Variants in CFAP299 observed in about 807,000 individuals in gnomAD.
CFAP299 encodes cilia- and flagella-associated protein 299.
A neutral mutation model predicts 27.0 loss-of-function variants in CFAP299; 21 were observed. That is an observed-to-expected ratio of 0.78 (90% CI 0.55 to 1.12). The LOEUF (loss-of-function observed/expected upper bound fraction) is 1.12, where lower values mean the gene tolerates loss of function less well. Among genes scored for constraint, CFAP299 ranks in the 50% most tolerant of loss-of-function variants. The probability of loss-of-function intolerance (pLI) is 0.00; values close to 1 mark genes in which losing one functional copy is unlikely to be tolerated. For missense variants in CFAP299, 310 were observed against 276.6 expected, an observed-to-expected ratio of 1.12 and a Z score of -0.86; for synonymous variants, 104 against 98.1, an observed-to-expected ratio of 1.06 and a Z score of -0.36.
In CFAP299 at chr4:80,335,749, C is replaced by T; in HGVS notation, c.-20C>T. ...CCTCCTGCTTCCGTTGCTAGGGACG[C>T]TTCGGCCGAGGATACCGCAATGGAT... On this transcript the variant is annotated 5_prime_UTR_variant, in exon 1 of 6. Transcript: ENST00000358105. 1 of 1,508,792 alleles carries T rather than the reference C, an allele frequency of 6.6e-7. No individual in the cohort carries two copies. Among genetic ancestry groups the T allele is most frequent in the Non-Finnish European group, 9.2e-7 (1 of 1,084,176 alleles). The allele number at this position is 1,508,792 out of a possible 1,614,324, so 93.5% of individuals were successfully genotyped here.
At chr4:80,495,537 C>A (rs1271511175) in intron 2 of CFAP299, among the ~76,000 whole-genome samples, 1 of 152,118 alleles carries the variant, frequency 6.6e-6, no homozygotes, top group Non-Finnish European at 1.5e-5. Flanking sequence ...TGTAGTGGCT[C>A]ACACCTATGA....
At chr4:80,390,661 G>A (rs1006151035) in intron 2 of CFAP299, among the ~76,000 whole-genome samples, 1 of 133,450 alleles carries the variant, frequency 7.5e-6, no homozygotes, top group Non-Finnish European at 1.6e-5. Context: ...ACACACATAT[G>A]TATATATGTA....
intron 3 of CFAP299, among the ~76,000 whole-genome samples, chr4:80,685,417 C>T (rs1720118783): frequency 6.6e-6 from 1 of 151,986 alleles, no homozygotes. Flanking sequence ...TTGCCAATTG[C>T]ACTGAAGTGT....
In CFAP299 at chr4:80,871,385, C is replaced by A. The variant is rs1178189813; in HGVS notation, c.476+1250C>A. On this transcript the variant is annotated intron_variant, in intron 4 of 5. Transcript: ENST00000358105. ...ATTTTTTTCACTGCACTTGTAGCTA[C>A]CCCACTGGGTACTGCTGAAGGAAAT... 36 of 985,386 alleles carry A rather than the reference C, an allele frequency of 3.7e-5. No individual in the cohort carries two copies. The South Asian group carries it at 1.4e-3, about 37-fold the overall frequency. 61.0% of individuals were successfully genotyped at this position (985,386 alleles called of 1,614,324 possible).
At chr4:80,655,249 A>G (rs1403697326) in intron 3 of CFAP299, among the ~76,000 whole-genome samples, 1 of 152,182 alleles carries the variant, frequency 6.6e-6, no homozygotes. Flanking sequence ...ATTTCCAGTA[A>G]TCTAATTTCT....
intron 2 of CFAP299, among the ~76,000 whole-genome samples, chr4:80,513,404 T>A (rs1457106589): frequency 6.6e-6 from 1 of 152,146 alleles, no homozygotes; most frequent in African/African-American, 2.4e-5. Context: ...CCCATATTCC[T>A]TAAAGTAAAA....
intron 3 of CFAP299, among the ~76,000 whole-genome samples, chr4:80,801,755 CTT>C (rs1728620130): frequency 6.6e-6 from 1 of 152,082 alleles, no homozygotes; most frequent in Non-Finnish European, 1.5e-5. Flanking sequence ...CTGTTGATCA[CTT>C]TGAAAAAGGC....
At chr4:80,953,782 T>C (rs1393972913) in intron 5 of CFAP299, among the ~76,000 whole-genome samples, 1 of 152,124 alleles carries the variant, frequency 6.6e-6, no homozygotes, top group Non-Finnish European at 1.5e-5. Context: ...CATAAATATA[T>C]ATGTCAATGT....
intron 4 of CFAP299, among the ~76,000 whole-genome samples, chr4:80,899,511 CAA>C (rs1734779641): frequency 6.6e-6 from 1 of 152,106 alleles, no homozygotes; most frequent in African/African-American, 2.4e-5. Context: ...TCATGGGACT[CAA>C]GAGAAAAAAA....
At chr4:80,937,076 G>A (rs760288154) in intron 4 of CFAP299, among the ~76,000 whole-genome samples, 29 of 150,988 alleles carry the variant, frequency 1.9e-4, no homozygotes, top group South Asian at 6.3e-4. Context: ...TTATATTGCC[G>A]TCTGTTTCTT....
At chr4:80,822,456 T>C (rs924415565) in intron 3 of CFAP299, among the ~76,000 whole-genome samples, 1 of 152,192 alleles carries the variant, frequency 6.6e-6, no homozygotes, top group South Asian at 2.1e-4. Flanking sequence ...GTTTCAAATC[T>C]ATTTAAATAT....
chr4:80,619,208 A>G (rs1738452433), intron 3 of CFAP299, among the ~76,000 whole-genome samples: 1 of 152,174 alleles, frequency 6.6e-6, no homozygotes, highest in Admixed American at 6.6e-5. Context: ...AAAGATTACC[A>G]CTTTTAAATT....
At chr4:80,808,600 C>T (rs1728982734) in intron 3 of CFAP299, among the ~76,000 whole-genome samples, 1 of 151,990 alleles carries the variant, frequency 6.6e-6, no homozygotes, top group African/African-American at 2.4e-5. Flanking sequence ...AGTCATAGTG[C>T]CTTTGTATTG....
intron 3 of CFAP299, among the ~76,000 whole-genome samples, chr4:80,655,224 G>A (rs953496095): frequency 5.9e-5 from 9 of 151,994 alleles, no homozygotes; most frequent in East Asian, 3.8e-4. Flanking sequence ...ATAACATATC[G>A]GTTGTGCATT....
rs1732996444 is a variant in CFAP299, at chr4:80,870,124, T to C, written c.465T>C (p.Pro155=). The change falls in exon 4 of 6, where the codon CCT becomes CCC. Residue 155 remains proline, a synonymous_variant. Transcript: ENST00000358105. ...GAAAAAAAAGACTTCTTCCAAGGCC[T>C]ACAGATATAAGGTAAATTACATACA... is the stretch of plus-strand genomic sequence containing the variant. ...FTGKKRLLPR[P]TDISFYNWDA... 1.2e-6 allele frequency: 2 copies of C among 1,608,286 alleles called. No individual in the cohort carries two copies. Among genetic ancestry groups the C allele is most frequent in the Non-Finnish European group, 1.7e-6 (2 of 1,178,136 alleles).
At position 80,335,746 on chromosome 4, in the gene CFAP299, A is replaced by G. The variant is rs368476387; in HGVS notation, c.-23A>G. 1.7e-5 allele frequency: 25 copies of G among 1,449,524 alleles called. No individual in the cohort carries two copies. The highest frequency in any genetic ancestry group is 2.4e-5 in the Non-Finnish European group (25 of 1,030,168). 89.8% of individuals were successfully genotyped at this position (1,449,524 alleles called of 1,614,324 possible). A position where few individuals can be genotyped will look rare whatever the true frequency, so the allele number is the denominator to read the frequency against. ...TGCCCTCCTGCTTCCGTTGCTAGGG[A>G]CGCTTCGGCCGAGGATACCGCAATG... On this transcript the variant is annotated 5_prime_UTR_variant, in exon 1 of 6. Transcript: ENST00000358105.
At chr4:80,773,500 A>AT (rs1379764315) in intron 3 of CFAP299, among the ~76,000 whole-genome samples, 4 of 152,136 alleles carry the variant, frequency 2.6e-5, no homozygotes, top group Non-Finnish European at 5.9e-5. Context: ...CAAGGGAAAA[A>AT]CCCATCTGAT....
intron 4 of CFAP299, among the ~76,000 whole-genome samples, chr4:80,879,624 T>C (rs1578207558): frequency 6.6e-6 from 1 of 152,224 alleles, no homozygotes; most frequent in African/African-American, 2.4e-5. Context: ...TCGAAATTTA[T>C]GTTTAATTTT....
chr4:80,399,833 G>T (rs1362292376), intron 2 of CFAP299, among the ~76,000 whole-genome samples: 1 of 151,996 alleles, frequency 6.6e-6, no homozygotes, highest in African/African-American at 2.4e-5. Flanking sequence ...AGAACTTAAA[G>T]TATAATAATA....
Sources: gnomAD v4.1 joint callset for allele counts (sites outside exome capture counted in the v4.1 genomes callset) on GRCh38, gnomAD v4.1.1 for gene constraint, MANE v1.5 for transcripts, NCBI Gene and HGNC (gene_info 2026-07-23, HGNC 2026-07-21) for gene names.